Variants in ZNF799 observed in about 807,000 individuals in gnomAD.
The protein encoded by ZNF799 is zinc finger protein 799, also known as zinc finger protein 14.
Under a neutral mutation model 41.0 loss-of-function variants are expected in ZNF799, and 28 were observed. The ratio of observed to expected loss-of-function variants is 0.68; its 90% CI spans 0.51 to 0.94. ZNF799 has a LOEUF of 0.94. Among genes scored for constraint, ZNF799 ranks in the 40% least tolerant of loss-of-function variants. ZNF799 has a pLI of 0.00. For missense variants in ZNF799, 716 were observed against 764.3 expected, an observed-to-expected ratio of 0.94 and a Z score of 0.74; for synonymous variants, 213 against 252.9, an observed-to-expected ratio of 0.84 and a Z score of 1.50.
the ZNF799 span, among the ~76,000 whole-genome samples, chr19:12,413,860 G>T: frequency 1.3e-5 from 2 of 152,212 alleles, no homozygotes; most frequent in South Asian, 2.1e-4. Context: ...AGACCGGGTA[G>T]TCGCCCGTAG....
At chr19:12,397,590 G>C (rs1034455761) in intron 1 of ZNF799, among the ~76,000 whole-genome samples, 23 of 142,152 alleles carry the variant, frequency 1.6e-4, no homozygotes, top group African/African-American at 5.2e-4. Context: ...AAGAAAGAAA[G>C]AAAGAAACAA....
Position 12,401,263 on chromosome 19 carries a change from C to G in ZNF799, c.-193G>C, listed in dbSNP as rs1239216863. The G allele has an allele frequency of 1.4e-6, 2 of 1,385,074 alleles. No individual in the cohort carries two copies. The highest frequency in any genetic ancestry group is 5.5e-5 in the Admixed American group (2 of 36,130). 85.8% of individuals were successfully genotyped at this position (1,385,074 alleles called of 1,614,324 possible). ...CCACACACTCCTCTGGGAAGCGCGC[C>G]TGATTGACAGTTCCCACGAACCCGC... On this transcript the variant is annotated 5_prime_UTR_variant, in exon 1 of 4. Coordinates refer to ENST00000430385, the MANE Select transcript of ZNF799 (RefSeq NM_001080821.3).
chr19:12,403,423 A>G (rs1970011165), upstream of ZNF799, among the ~76,000 whole-genome samples: 1 of 151,360 alleles, frequency 6.6e-6, no homozygotes, highest in African/African-American at 2.4e-5. Flanking sequence ...TTTCAAATTC[A>G]TTTATTTCTA....
chr19:12,396,259 A>C (rs1472821593), intron 1 of ZNF799, among the ~76,000 whole-genome samples: 1 of 152,290 alleles, frequency 6.6e-6, no homozygotes, highest in African/African-American at 2.4e-5. Flanking sequence ...CGTTAAAACA[A>C]CTATCTTAAA....
intron 1 of ZNF799, chr19:12,395,059 A>G (rs7246440): frequency 0.66 from 111,045 of 167,478 alleles, 38,107 homozygotes; most frequent in Non-Finnish European, 0.76. Context: ...TAGAGACAGC[A>G]TATCAGATCT....
the ZNF799 span, among the ~76,000 whole-genome samples, chr19:12,410,164 A>AATATATAT: frequency 6.7e-6 from 1 of 149,178 alleles, no homozygotes; most frequent in Non-Finnish European, 1.5e-5. Context: ...CAAACAAACA[A>AATATATAT]ATATATATAT....
chr19:12,414,547 G>T, the ZNF799 span, among the ~76,000 whole-genome samples: 1 of 152,146 alleles, frequency 6.6e-6, no homozygotes, highest in Non-Finnish European at 1.5e-5. Flanking sequence ...ATCCTCCAGG[G>T]ATCAGGAATT....
At chr19:12,392,920 A>C (rs1359142083) in intron 2 of ZNF799, among the ~76,000 whole-genome samples, 11 of 152,268 alleles carry the variant, frequency 7.2e-5, no homozygotes, top group African/African-American at 2.7e-4. Context: ...AATGAGAATG[A>C]AAACCTTTCT....
the ZNF799 span, among the ~76,000 whole-genome samples, chr19:12,408,433 A>T: frequency 6.6e-5 from 10 of 152,314 alleles, no homozygotes; most frequent in African/African-American, 2.2e-4. Flanking sequence ...TTAAACATGT[A>T]TTATCTATAG....
At chr19:12,408,718 T>A in the ZNF799 span, among the ~76,000 whole-genome samples, 1 of 152,146 alleles carries the variant, frequency 6.6e-6, no homozygotes, top group African/African-American at 2.4e-5. Context: ...TTGATATGTA[T>A]GTCCAGAAAA....
At chr19:12,408,205 A>T in the ZNF799 span, among the ~76,000 whole-genome samples, 4 of 152,170 alleles carry the variant, frequency 2.6e-5, no homozygotes, top group East Asian at 7.7e-4. Context: ...TGAAACAAGT[A>T]GTATAGTATA....
At chr19:12,404,681 G>A (rs1568506725), upstream of ZNF799, among the ~76,000 whole-genome samples, 1 of 152,142 alleles carries the variant, frequency 6.6e-6, no homozygotes. Flanking sequence ...TTGGTATGGG[G>A]ACTTTCCAAA....
rs754341434 is a variant in ZNF799 at position 12,391,167 on chromosome 19, G to A, written c.1231C>T (p.His411Tyr). 2.5e-6 allele frequency: 4 copies of A among 1,614,172 alleles called. No individual in the cohort carries two copies. The highest frequency in any genetic ancestry group is 2.2e-5 in the South Asian group (2 of 91,088). ...TTCTCTGCAGTGTGAGTCTTTTCAT[G>A]CCTTTGAAATACACTGGGATAAACA... Reference protein sequence around the residue: ...AFVYPSVFQRHEKTHTAEKPY... With the variant: ...AFVYPSVFQRYEKTHTAEKPY... Residue 411 changes from histidine (H) to tyrosine (Y), a missense_variant, in exon 4 of 4, where the codon CAT becomes TAT. His to Tyr is a moderately conservative substitution (Grantham distance 83). Coordinates refer to ENST00000430385, the MANE Select transcript of ZNF799 (RefSeq NM_001080821.3).
chr19:12,402,412 A>G (rs369591346), upstream of ZNF799, among the ~76,000 whole-genome samples: 1 of 78,820 alleles, frequency 1.3e-5, no homozygotes, highest in South Asian at 3.4e-4. Flanking sequence ...GATGCCCTTT[A>G]TTTCTTTTTT....
At chr19:12,402,618 T>C (rs1331139865), upstream of ZNF799, among the ~76,000 whole-genome samples, 2 of 16,034 alleles carry the variant, frequency 1.2e-4, no homozygotes, top group Non-Finnish European at 3.3e-4. Context: ...CTATACCCAG[T>C]TTTTTTTTAG....
chr19:12,390,365 T>C lies in ZNF799; in HGVS notation c.*101A>G. ...AATTACTTAAGGTTTTACCAAGTGC[T>C]TACATTCACAGGGTCTATCTCCAAT... On this transcript the variant is annotated 3_prime_UTR_variant, in exon 4 of 4. Coordinates refer to ENST00000430385, the MANE Select transcript of ZNF799 (RefSeq NM_001080821.3). 6.3e-7 allele frequency: 1 copy of C among 1,587,056 alleles called. No individual in the cohort carries two copies. Among genetic ancestry groups the C allele is most frequent in the Non-Finnish European group, 8.6e-7 (1 of 1,166,714 alleles).
chr19:12,392,346 T>C, intron 3 of ZNF799, 140 bp from the exon 4 acceptor site: 2 of 1,335,768 alleles, frequency 1.5e-6, no homozygotes, highest in Non-Finnish European at 2.0e-6. Context: ...ATGGATGGAA[T>C]GCTGTGCAAG....
chr19:12,412,185 C>T, the ZNF799 span, among the ~76,000 whole-genome samples: 3 of 152,166 alleles, frequency 2.0e-5, no homozygotes, highest in African/African-American at 7.2e-5. Flanking sequence ...CTTGCGCATA[C>T]TTCCTTTTAA....
chr19:12,414,178 C>T, the ZNF799 span, among the ~76,000 whole-genome samples: 1 of 152,126 alleles, frequency 6.6e-6, no homozygotes, highest in African/African-American at 2.4e-5. Flanking sequence ...CCCCACCCCA[C>T]GTCCCTGATT....
Sources: gnomAD v4.1 joint callset for allele counts (sites outside exome capture counted in the v4.1 genomes callset) on GRCh38, gnomAD v4.1.1 for gene constraint, MANE v1.5 for transcripts, NCBI Gene and HGNC (gene_info 2026-07-23, HGNC 2026-07-21) for gene names.